Variants in CSMD1 observed in about 807,000 individuals in gnomAD.
CSMD1 encodes CUB and Sushi multiple domains 1.
Under a neutral mutation model 417.5 loss-of-function variants are expected in CSMD1, and 213 were observed. That is an observed-to-expected ratio of 0.51 (90% CI 0.46 to 0.57). The LOEUF (loss-of-function observed/expected upper bound fraction) is 0.57, where lower values mean the gene tolerates loss of function less well. Ranked by LOEUF, CSMD1 falls within the 20% of genes least tolerant of loss-of-function variation. The pLI, the probability that CSMD1 is intolerant of heterozygous loss-of-function variation, is 0.00. For missense variants in CSMD1, 6,923 were observed against 4,529.7 expected (o/e 1.53, Z -15.17); for synonymous variants, 2,862 against 1,736.8 (o/e 1.65, Z -16.11).
At chr8:3,324,654 G>C (rs942986093) in intron 23 of CSMD1, among the ~76,000 whole-genome samples, 3 of 146,052 alleles carry the variant, frequency 2.1e-5, no homozygotes, top group Admixed American at 7.2e-5. Flanking sequence ...CCACCCCAGA[G>C]ACCCAGTAGA....
intron 3 of CSMD1, among the ~76,000 whole-genome samples, chr8:4,201,232 T>C (rs1475256171): frequency 6.6e-6 from 1 of 151,556 alleles, no homozygotes; most frequent in Non-Finnish European, 1.5e-5. Context: ...TACTGGTGAG[T>C]ATGGTTGTAA....
intron 12 of CSMD1, among the ~76,000 whole-genome samples, chr8:3,439,716 T>C (rs1814845020): frequency 6.6e-6 from 1 of 152,302 alleles, no homozygotes; most frequent in Middle Eastern, 3.4e-3. Context: ...GGGGGACAAG[T>C]CTAAGAAATA....
intron 3 of CSMD1, among the ~76,000 whole-genome samples, chr8:4,111,269 A>G (rs969513484): frequency 3.0e-4 from 45 of 152,142 alleles, no homozygotes; most frequent in Admixed American, 2.6e-3. Context: ...TTTGTTTTAG[A>G]TATAGATCAG....
chr8:4,430,943 T>C (rs1201477047), intron 2 of CSMD1, among the ~76,000 whole-genome samples: 1 of 152,170 alleles, frequency 6.6e-6, no homozygotes, highest in East Asian at 1.9e-4. Flanking sequence ...AATTCACTAC[T>C]AGAATTTTTA....
At chr8:3,562,074 A>G (rs1799490121) in intron 10 of CSMD1, among the ~76,000 whole-genome samples, 1 of 152,154 alleles carries the variant, frequency 6.6e-6, no homozygotes. Context: ...TTTAGAGTAA[A>G]AATTCGGTAC....
intron 1 of CSMD1, among the ~76,000 whole-genome samples, chr8:4,924,853 T>C (rs960598127): frequency 2.0e-5 from 3 of 150,956 alleles, no homozygotes; most frequent in Non-Finnish European, 4.4e-5. Flanking sequence ...GGGAAGAAAA[T>C]ATGTTTCTCA....
intron 3 of CSMD1, among the ~76,000 whole-genome samples, chr8:4,188,426 G>C (rs953315854): frequency 2.0e-5 from 3 of 152,156 alleles, no homozygotes; most frequent in African/African-American, 7.2e-5. Context: ...TATTTCGGCA[G>C]ATACAAGTCC....
At chr8:4,649,318 T>C (rs1221543572) in intron 1 of CSMD1, among the ~76,000 whole-genome samples, 1 of 152,214 alleles carries the variant, frequency 6.6e-6, no homozygotes, top group African/African-American at 2.4e-5. Context: ...CCTACAGTAA[T>C]GATTGTGAAC....
At chr8:4,296,826 G>A (rs1797713706) in intron 3 of CSMD1, among the ~76,000 whole-genome samples, 1 of 147,966 alleles carries the variant, frequency 6.8e-6, no homozygotes, top group Non-Finnish European at 1.5e-5. Flanking sequence ...TTCATCTGAA[G>A]ATATCTGTGG....
In CSMD1 at chr8:2,938,377, T is replaced by C. The variant is rs776442515; in HGVS notation, c.*208A>G. 18 of 486,580 alleles carry C rather than the reference T, an allele frequency of 3.7e-5. No homozygotes were observed. The highest frequency in any genetic ancestry group is 5.3e-5 in the Non-Finnish European group (15 of 280,588). 30.1% of individuals were successfully genotyped at this position (486,580 alleles called of 1,614,324 possible). On this transcript the variant is annotated 3_prime_UTR_variant, in exon 70 of 70. Transcript: ENST00000635120. ...GCAGCCAGGCATTTAGAACCCACTT[T>C]TGGAATGAAAACGCATGTGTAGTTT...
intron 2 of CSMD1, among the ~76,000 whole-genome samples, chr8:4,487,080 T>G (rs1563224994): frequency 6.6e-6 from 1 of 152,164 alleles, no homozygotes; most frequent in South Asian, 2.1e-4. Flanking sequence ...GAGAATTTTT[T>G]TTCTTTTTGC....
intron 3 of CSMD1, among the ~76,000 whole-genome samples, chr8:4,050,340 C>T (rs7815304): frequency 6.6e-6 from 1 of 152,116 alleles, no homozygotes; most frequent in Admixed American, 6.5e-5. Flanking sequence ...ATACACAGAG[C>T]ACCCACTAAA....
At chr8:3,245,214 A>C (rs1345350038) in intron 26 of CSMD1, among the ~76,000 whole-genome samples, 1 of 152,186 alleles carries the variant, frequency 6.6e-6, no homozygotes, top group Non-Finnish European at 1.5e-5. Flanking sequence ...AAACCTTAGT[A>C]GTTGTCCTTG....
intron 1 of CSMD1, among the ~76,000 whole-genome samples, chr8:4,756,081 T>G (rs909570399): frequency 1.1e-4 from 17 of 152,238 alleles, no homozygotes; most frequent in African/African-American, 4.1e-4. Context: ...AAGACCTTTA[T>G]TCTATGTATG....
intron 3 of CSMD1, among the ~76,000 whole-genome samples, chr8:4,383,408 G>A (rs1360988648): frequency 1.3e-5 from 2 of 152,106 alleles, no homozygotes; most frequent in African/African-American, 2.4e-5. Flanking sequence ...TACATGCCTT[G>A]CCTCATTTCC....
chr8:4,250,304 C>T (rs572866602), intron 3 of CSMD1, among the ~76,000 whole-genome samples: 1 of 152,260 alleles, frequency 6.6e-6, no homozygotes, highest in East Asian at 1.9e-4. Context: ...CTTAGGAGTC[C>T]TGGTGGAATT....
chr8:4,713,734 C>G (rs1387741324), intron 1 of CSMD1, among the ~76,000 whole-genome samples: 1 of 152,168 alleles, frequency 6.6e-6, no homozygotes, highest in Non-Finnish European at 1.5e-5. Context: ...CCAAACCTGG[C>G]CCCTGAGGCA....
chr8:4,332,075 G>C (rs777157687), intron 3 of CSMD1, among the ~76,000 whole-genome samples: 1 of 152,038 alleles, frequency 6.6e-6, no homozygotes. Flanking sequence ...TGGCTCCACT[G>C]AATCATCTAT....
chr8:4,290,962 G>T (rs192621483), intron 3 of CSMD1, among the ~76,000 whole-genome samples: 3 of 152,076 alleles, frequency 2.0e-5, no homozygotes. Flanking sequence ...AATTTAGAGG[G>T]GCAAAATTTC....
Sources: allele counts gnomAD v4.1 joint callset (sites outside exome capture counted in the v4.1 genomes callset), GRCh38; gene constraint gnomAD v4.1.1; transcripts MANE v1.5; gene names NCBI Gene and HGNC (gene_info 2026-07-23, HGNC 2026-07-21).